The following ST7 variants were observed in gnomAD, a reference collection of about 807,000 sequenced individuals.
ST7 encodes suppressor of tumorigenicity 7 protein.
Under a neutral mutation model 78.7 loss-of-function variants are expected in ST7, and 28 were observed. That is an observed-to-expected ratio of 0.36 (90% CI 0.26 to 0.49). ST7 has a LOEUF of 0.49. ST7 is among the 20% of genes least tolerant of loss of function. ST7 has a pLI of 0.99. For synonymous variants in ST7, 247 were observed against 249.6 expected, an observed-to-expected ratio of 0.99 and a Z score of 0.10; for missense variants, 418 against 696.0, an observed-to-expected ratio of 0.60 and a Z score of 4.49.
chr7:117,061,089 AG>A (rs1317919998), intron 1 of ST7, among the ~76,000 whole-genome samples: 1 of 152,240 alleles, frequency 6.6e-6, no homozygotes, highest in Non-Finnish European at 1.5e-5. Flanking sequence ...GACAATTAAA[AG>A]GAGTTTTAGG....
intron 1 of ST7, among the ~76,000 whole-genome samples, chr7:117,082,799 G>A (rs999536345): frequency 6.6e-6 from 1 of 152,174 alleles, no homozygotes; most frequent in Non-Finnish European, 1.5e-5. Flanking sequence ...TAGCATGAAA[G>A]CAGTCATAGA....
At chr7:117,067,813 G>A (rs1335147880) in intron 1 of ST7, among the ~76,000 whole-genome samples, 1 of 152,172 alleles carries the variant, frequency 6.6e-6, no homozygotes, top group Non-Finnish European at 1.5e-5. Flanking sequence ...CAGCTACAGT[G>A]CTTTGTCTCA....
intron 9 of ST7, among the ~76,000 whole-genome samples, chr7:117,157,336 T>C (rs990205014): frequency 6.6e-6 from 1 of 152,168 alleles, no homozygotes; most frequent in Admixed American, 6.5e-5. Context: ...CTGGTTTCTG[T>C]AAATAGCATG....
chr7:116,974,296 T>TC (rs1351002412), intron 1 of ST7, among the ~76,000 whole-genome samples: 2 of 151,780 alleles, frequency 1.3e-5, no homozygotes, highest in Non-Finnish European at 2.9e-5. Context: ...TCTTTTCTTT[T>TC]TTTTTTTTTG....
intron 1 of ST7, among the ~76,000 whole-genome samples, chr7:117,023,196 A>C (rs1053591888): frequency 6.6e-6 from 1 of 152,202 alleles, no homozygotes; most frequent in African/African-American, 2.4e-5. Context: ...TCACATTATA[A>C]TACATTCTGT....
At chr7:117,221,657 C>T (rs1197437903) in intron 14 of ST7, among the ~76,000 whole-genome samples, 1 of 152,138 alleles carries the variant, frequency 6.6e-6, no homozygotes, top group Non-Finnish European at 1.5e-5. Context: ...GCTCCTCTTC[C>T]CTCCCATGAA....
At chr7:117,193,844 A>G (rs1810022157) in intron 12 of ST7, among the ~76,000 whole-genome samples, 1 of 152,232 alleles carries the variant, frequency 6.6e-6, no homozygotes, top group Non-Finnish European at 1.5e-5. Context: ...TACCAAATAT[A>G]ATAACTGAGA....
chr7:117,035,730 T>G (rs1796861813), intron 1 of ST7, among the ~76,000 whole-genome samples: 1 of 152,200 alleles, frequency 6.6e-6, no homozygotes, highest in South Asian at 2.1e-4. Flanking sequence ...TTTAAGTAGA[T>G]AAAACTGAGT....
chr7:117,052,600 C>T (rs10487357), intron 1 of ST7, among the ~76,000 whole-genome samples: 5,389 of 152,266 alleles, frequency 0.035, 322 homozygotes, highest in African/African-American at 0.12. Flanking sequence ...CTTCCAGTCT[C>T]TAAAAAATCT....
chr7:116,968,582 G>A (rs903864846), intron 1 of ST7: 3 of 302,782 alleles, frequency 9.9e-6, no homozygotes, highest in Non-Finnish European at 2.1e-5. Context: ...CTATTAGCGA[G>A]TCGCAGTGCT....
intron 10 of ST7, among the ~76,000 whole-genome samples, chr7:117,184,843 T>C (rs1021127265): frequency 2.0e-5 from 3 of 152,236 alleles, no homozygotes; most frequent in African/African-American, 7.2e-5. Context: ...TTTGATATTA[T>C]ACTACAGTTA....
At chr7:117,199,260 A>G (rs902575809) in intron 12 of ST7, 6 of 152,080 alleles carry the variant, frequency 3.9e-5, no homozygotes, top group African/African-American at 1.5e-4. Flanking sequence ...AAATCACCAG[A>G]TGCTTTTTTC....
intron 1 of ST7, chr7:116,955,177 G>T: frequency 6.5e-6 from 3 of 459,528 alleles, no homozygotes; most frequent in South Asian, 4.8e-5. Context: ...ATACCTTCTG[G>T]TCTCAAAGTT....
At chr7:116,960,440 C>CGG (rs1215460592) in intron 1 of ST7, among the ~76,000 whole-genome samples, 1 of 152,158 alleles carries the variant, frequency 6.6e-6, no homozygotes, top group African/African-American at 2.4e-5. Context: ...CTGTCCCCCT[C>CGG]GGCCTCCCAG....
chr7:116,961,015 A>G (rs1210110310), intron 1 of ST7, among the ~76,000 whole-genome samples: 1 of 152,174 alleles, frequency 6.6e-6, no homozygotes, highest in Non-Finnish European at 1.5e-5. Flanking sequence ...GTCCACTTTC[A>G]ATCTTTTGCA....
At chr7:117,122,282 T>C (rs1460871076) in intron 3 of ST7, among the ~76,000 whole-genome samples, 2 of 152,186 alleles carry the variant, frequency 1.3e-5, no homozygotes, top group African/African-American at 4.8e-5. Context: ...CATGCTGTGC[T>C]AAGGAATCTG....
chr7:117,054,194 CT>C (rs1563045758), intron 1 of ST7, among the ~76,000 whole-genome samples: 1 of 152,160 alleles, frequency 6.6e-6, no homozygotes, highest in Non-Finnish European at 1.5e-5. Context: ...TCTCTACTTA[CT>C]GTATTTTAAA....
At chr7:117,157,946 T>G (rs900759787) in intron 9 of ST7, among the ~76,000 whole-genome samples, 2 of 152,172 alleles carry the variant, frequency 1.3e-5, no homozygotes, top group African/African-American at 4.8e-5. Context: ...ACCCATCAGT[T>G]TTGAGGAGGT....
intron 9 of ST7, among the ~76,000 whole-genome samples, chr7:117,145,918 C>T (rs1805749888): frequency 6.6e-6 from 1 of 152,190 alleles, no homozygotes; most frequent in Non-Finnish European, 1.5e-5. Flanking sequence ...TAGCTGCTAA[C>T]TAACCCTCTG....
Sources: allele counts gnomAD v4.1 joint callset (sites outside exome capture counted in the v4.1 genomes callset), GRCh38; gene constraint gnomAD v4.1.1; transcripts MANE v1.5; gene names NCBI Gene and HGNC (gene_info 2026-07-23, HGNC 2026-07-21).